TPD52: variants seen among roughly 807,000 people sequenced by gnomAD.
The protein encoded by TPD52 is prostate and colon associated protein.
Under a neutral mutation model 31.3 loss-of-function variants are expected in TPD52, and 17 were observed. That is an observed-to-expected ratio of 0.54 (90% CI 0.37 to 0.82). The LOEUF (loss-of-function observed/expected upper bound fraction) is 0.82, where lower values mean the gene tolerates loss of function less well. TPD52 is among the 40% of genes least tolerant of loss of function. TPD52 has a pLI of 0.00. For missense variants in TPD52, 212 were observed against 240.1 expected, an observed-to-expected ratio of 0.88 and a Z score of 0.77; for synonymous variants, 83 against 89.6, an observed-to-expected ratio of 0.93 and a Z score of 0.42.
At chr8:80,031,653 T>C (rs1281812004), downstream of TPD52, among the ~76,000 whole-genome samples, 2 of 151,050 alleles carry the variant, frequency 1.3e-5, no homozygotes, top group African/African-American at 4.9e-5. Context: ...AGATGAGGAG[T>C]CCGAGACCAG....
In TPD52 at chr8:80,171,548, G is replaced by A. The variant is rs2131301559; in HGVS notation, c.-105C>T. On this transcript the variant is annotated 5_prime_UTR_variant, in exon 1 of 8. Coordinates refer to ENST00000518937, the MANE Select transcript of TPD52 (RefSeq NM_001025253.3). ...GCAGAGCTCCTCCTCGCCTCCGCCG[G>A]CGACTCCCGCGAAGTCCCCACCCCC... 7.3e-7 allele frequency: 1 copy of A among 1,362,444 alleles called. No individual in the cohort carries two copies. The highest frequency in any genetic ancestry group is 1.5e-5 in the African/African-American group (1 of 65,358). The allele number at this position is 1,362,444 out of a possible 1,614,324, so 84.4% of individuals were successfully genotyped here. A position where few individuals can be genotyped will look rare whatever the true frequency, so the allele number is the denominator to read the frequency against.
intron 5 of TPD52, among the ~76,000 whole-genome samples, chr8:80,045,920 C>T (rs1307859527): frequency 6.6e-6 from 1 of 152,008 alleles, no homozygotes; most frequent in Non-Finnish European, 1.5e-5. Flanking sequence ...AGGTAATGGC[C>T]AAATATGTGA....
chr8:80,122,699 T>C (rs1704530899), intron 1 of TPD52, among the ~76,000 whole-genome samples: 1 of 152,214 alleles, frequency 6.6e-6, no homozygotes, highest in African/African-American at 2.4e-5. Flanking sequence ...AAGAGTGTAA[T>C]ACAGTGCTTA....
chr8:80,056,285 T>C (rs1177674255), intron 2 of TPD52, among the ~76,000 whole-genome samples: 2 of 152,208 alleles, frequency 1.3e-5, no homozygotes, highest in Admixed American at 1.3e-4. Flanking sequence ...AAATACTGCA[T>C]GTTCTTACTC....
chr8:80,074,923 T>C (rs185266002), intron 1 of TPD52, among the ~76,000 whole-genome samples: 201 of 152,252 alleles, frequency 1.3e-3, no homozygotes, highest in African/African-American at 4.2e-3. Flanking sequence ...ATCCACTCCA[T>C]TTAAGGGAAG....
intron 1 of TPD52, chr8:80,119,845 T>C (rs1157699745): frequency 2.4e-6 from 1 of 420,218 alleles, no homozygotes; most frequent in Admixed American, 3.0e-5. Context: ...AGATAAATCT[T>C]TCCCTAATTC....
At chr8:80,161,676 T>C in intron 1 of TPD52, among the ~76,000 whole-genome samples, 1 of 151,388 alleles carries the variant, frequency 6.6e-6, no homozygotes, top group East Asian at 1.9e-4. Flanking sequence ...ATCCTGTTAA[T>C]AAGTTCCCAA....
At chr8:80,144,658 C>A (rs1810069839) in intron 1 of TPD52, among the ~76,000 whole-genome samples, 1 of 152,206 alleles carries the variant, frequency 6.6e-6, no homozygotes, top group African/African-American at 2.4e-5. Flanking sequence ...AGCCACCCAT[C>A]CCTCCTTCAA....
chr8:80,147,573 G>C (rs2131177060), intron 1 of TPD52, among the ~76,000 whole-genome samples: 1 of 152,322 alleles, frequency 6.6e-6, no homozygotes, highest in Non-Finnish European at 1.5e-5. Flanking sequence ...TATTTGCATA[G>C]TCTTTTGCTG....
chr8:80,031,803 G>A (rs1809700158), downstream of TPD52, among the ~76,000 whole-genome samples: 1 of 152,104 alleles, frequency 6.6e-6, no homozygotes, highest in Admixed American at 6.5e-5. Context: ...GCTGCAGTGA[G>A]CTATGTTCCT....
In TPD52 at chr8:80,037,444, G is replaced by C. The variant is rs1457840422; in HGVS notation, c.*672C>G. 2 of 152,040 alleles carry C rather than the reference G, an allele frequency of 1.3e-5. No individual in the cohort carries two copies. Among genetic ancestry groups the C allele is most frequent in the Non-Finnish European group, 2.9e-5 (2 of 67,982 alleles). The allele number at this position is 152,040 out of a possible 1,614,324, so 9.4% of individuals were successfully genotyped here. On this transcript the variant is annotated 3_prime_UTR_variant, in exon 8 of 8. Coordinates refer to ENST00000518937, the MANE Select transcript of TPD52 (RefSeq NM_001025253.3). ...CACTGAAATGGTTACTGTCACAAACGGTGCTAAATAATGATATAGGAGGTT... is the reference window on the plus strand; with the variant it reads ...CACTGAAATGGTTACTGTCACAAACCGTGCTAAATAATGATATAGGAGGTT...
chr8:80,131,389 C>A (rs1453071625), intron 1 of TPD52, among the ~76,000 whole-genome samples: 7 of 152,260 alleles, frequency 4.6e-5, no homozygotes, highest in South Asian at 2.1e-4. Flanking sequence ...ATATTATATA[C>A]CCTCAAATAT....
chr8:80,160,984 C>G (rs1263627733), intron 1 of TPD52, among the ~76,000 whole-genome samples: 1 of 151,544 alleles, frequency 6.6e-6, no homozygotes, highest in Non-Finnish European at 1.5e-5. Context: ...ATTGCTTGAG[C>G]CTGGGAGGCA....
intron 1 of TPD52, among the ~76,000 whole-genome samples, chr8:80,155,172 T>C (rs1339067684): frequency 9.9e-5 from 15 of 152,088 alleles, no homozygotes. Context: ...CTGATGTTAC[T>C]ATTGTAATTG....
intron 4 of TPD52, 106 bp from the exon 5 acceptor site, chr8:80,050,577 A>G: frequency 5.7e-6 from 6 of 1,050,748 alleles, no homozygotes; most frequent in Non-Finnish European, 8.2e-6. Flanking sequence ...TGGGCTCTAA[A>G]CTGCTACACA....
intron 7 of TPD52, among the ~76,000 whole-genome samples, chr8:80,040,714 G>A (rs1810299026): frequency 6.6e-6 from 1 of 152,154 alleles, no homozygotes; most frequent in Admixed American, 6.5e-5. Flanking sequence ...TCAAGGAAAG[G>A]CTATAACAGT....
chr8:80,064,597 G>A lies in TPD52; in HGVS notation c.20-4C>T, dbSNP rs1812918223. On this transcript the variant is annotated splice_region_variant and splice_polypyrimidine_tract_variant and intron_variant, in intron 1 of 7. Coordinates refer to ENST00000518937, the MANE Select transcript of TPD52 (RefSeq NM_001025253.3). ...ACTGGGTCTGTTCTCAGCAGACCTG[G>A]TTGGGGATTTAAACCATTTTTTAAA... 1 of 1,612,262 alleles carries A rather than the reference G, an allele frequency of 6.2e-7. No homozygotes were observed. The highest frequency in any genetic ancestry group is 8.5e-7 in the Non-Finnish European group (1 of 1,178,360).
intron 1 of TPD52, among the ~76,000 whole-genome samples, chr8:80,156,539 A>G (rs4740122): frequency 0.18 from 27,740 of 152,078 alleles, 3,264 homozygotes; most frequent in African/African-American, 0.33. Context: ...ATGTGGGTAG[A>G]TTCAGGAGTG....
At chr8:80,119,756 AAAC>A (rs1180595445) in intron 1 of TPD52, 1 of 320,584 alleles carries the variant, frequency 3.1e-6, no homozygotes, top group African/African-American at 2.2e-5. Flanking sequence ...AAAACATTTG[AAAC>A]AAGTCCAGAA....
Sources: gnomAD v4.1 joint callset for allele counts (sites outside exome capture counted in the v4.1 genomes callset) on GRCh38, gnomAD v4.1.1 for gene constraint, MANE v1.5 for transcripts, NCBI Gene and HGNC (gene_info 2026-07-23, HGNC 2026-07-21) for gene names.